ENOX1: variants seen among roughly 807,000 people sequenced by gnomAD.
ENOX1 encodes ecto-NOX disulfide-thiol exchanger 1.
A neutral mutation model predicts 82.5 loss-of-function variants in ENOX1; 42 were observed. The ratio of observed to expected loss-of-function variants is 0.51; its 90% CI spans 0.40 to 0.66. ENOX1 has a LOEUF of 0.66. Ranked by LOEUF, ENOX1 falls within the 30% of genes least tolerant of loss-of-function variation. ENOX1 has a pLI of 0.00. For missense variants in ENOX1, 608 were observed against 811.6 expected, an observed-to-expected ratio of 0.75 and a Z score of 3.05; for synonymous variants, 271 against 282.2, an observed-to-expected ratio of 0.96 and a Z score of 0.40.
intron 2 of ENOX1, among the ~76,000 whole-genome samples, chr13:43,617,352 A>G (rs1373554537): frequency 6.6e-6 from 1 of 152,198 alleles, no homozygotes; most frequent in Non-Finnish European, 1.5e-5. Flanking sequence ...TTGCGGGATA[A>G]AACTTTGGAA....
intron 1 of ENOX1, among the ~76,000 whole-genome samples, chr13:43,729,246 A>G (rs2089179757): frequency 6.6e-6 from 1 of 152,204 alleles, no homozygotes; most frequent in Non-Finnish European, 1.5e-5. Flanking sequence ...ATAAGAGCTA[A>G]ATAAGTATCT....
At chr13:43,307,189 C>T (rs181603595) in intron 11 of ENOX1, among the ~76,000 whole-genome samples, 1 of 152,336 alleles carries the variant, frequency 6.6e-6, no homozygotes, top group Non-Finnish European at 1.5e-5. Context: ...TCATTACCAA[C>T]ATTGAAATTG....
At chr13:43,689,361 G>T (rs1234600282) in intron 1 of ENOX1, among the ~76,000 whole-genome samples, 1 of 152,196 alleles carries the variant, frequency 6.6e-6, no homozygotes, top group African/African-American at 2.4e-5. Flanking sequence ...GTAAAAGGAA[G>T]ATCCAGCAAA....
chr13:43,494,130 G>A (rs1174761829), intron 2 of ENOX1, among the ~76,000 whole-genome samples: 2 of 152,054 alleles, frequency 1.3e-5, no homozygotes, highest in Admixed American at 6.5e-5. Context: ...TGGGGATTAT[G>A]GGGATTACAA....
chr13:43,617,903 G>T (rs942119258), intron 2 of ENOX1, among the ~76,000 whole-genome samples: 99 of 152,008 alleles, frequency 6.5e-4, no homozygotes, highest in East Asian at 2.1e-3. Context: ...TGTTGTTGTT[G>T]TTGTTGTTGT....
rs186837962 is a variant in ENOX1, at chr13:43,338,625, T to C, written c.1036+5913A>G. On this transcript the variant is annotated intron_variant, in intron 9 of 16. Transcript: ENST00000690772. ...GACATCCATGGTCAGAAGAGAAAAA[T>C]CGCCCTACACAGAAGTGAATGGATG... Among the ~76,000 whole-genome samples, 683 of 149,610 alleles carry C rather than the reference T, an allele frequency of 4.6e-3. 29 individuals are homozygous for C. The highest frequency in any genetic ancestry group is 0.04 in the Admixed American group (598 of 14,958).
intron 2 of ENOX1, among the ~76,000 whole-genome samples, chr13:43,526,998 T>C (rs2078016290): frequency 6.6e-6 from 1 of 152,032 alleles, no homozygotes; most frequent in South Asian, 2.1e-4. Context: ...ATGCACTCTA[T>C]TGGAAGCAGA....
Position 43,269,618 on chromosome 13 carries a change from G to T in ENOX1, c.1447-41C>A, listed in dbSNP as rs1030493744. 8.7e-6 allele frequency: 13 copies of T among 1,494,144 alleles called. No individual in the cohort carries two copies. In the African/African-American group the frequency reaches 1.8e-4, roughly 21 times the overall value. 92.6% of individuals were successfully genotyped at this position (1,494,144 alleles called of 1,614,324 possible). ...ATATTTAGCATAAGTAGGATTGAAG[G>T]TCAGGTGATTTAAAAATATCCACAA... On this transcript the variant is annotated intron_variant, in intron 12 of 16. Transcript: ENST00000690772.
chr13:43,761,661 CCTT>C (rs1160239395), intron 1 of ENOX1, among the ~76,000 whole-genome samples: 29 of 152,308 alleles, frequency 1.9e-4, no homozygotes, highest in African/African-American at 7.0e-4. Context: ...TGTAGGTCCT[CCTT>C]CTTCGCCTCT....
intron 3 of ENOX1, among the ~76,000 whole-genome samples, chr13:43,430,254 TAAAAC>T (rs1376574133): frequency 6.6e-6 from 1 of 152,152 alleles, no homozygotes; most frequent in Non-Finnish European, 1.5e-5. Flanking sequence ...TCCCTTTACA[TAAAAC>T]AAAACAAACA....
At chr13:43,419,562 A>G (rs2054851207) in intron 3 of ENOX1, among the ~76,000 whole-genome samples, 1 of 152,120 alleles carries the variant, frequency 6.6e-6, no homozygotes, top group Non-Finnish European at 1.5e-5. Context: ...TTAAAAAAAG[A>G]CAAAACAAAA....
rs149522765 is a variant in ENOX1, at chr13:43,372,864, C to T, written c.209-11412G>A. Among the ~76,000 whole-genome samples, 794 of 152,012 alleles carry T rather than the reference C, an allele frequency of 5.2e-3. 11 individuals are homozygous for T. The highest frequency in any genetic ancestry group is 0.018 in the African/African-American group (745 of 41,476). ...GGAAGTAAGTCAGAGGGAGAGACAG[C>T]AGCAGACAGATGGAGGGACCGTCCG... is the stretch of plus-strand genomic sequence containing the variant. On this transcript the variant is annotated intron_variant, in intron 5 of 16. Transcript: ENST00000690772.
intron 5 of ENOX1, among the ~76,000 whole-genome samples, chr13:43,380,426 A>T (rs563896565): frequency 4.6e-5 from 7 of 151,954 alleles, no homozygotes; most frequent in African/African-American, 1.7e-4. Flanking sequence ...ATATGAAGAG[A>T]TAAGCCAACA....
chr13:43,338,241 G>A (rs1053777538), intron 9 of ENOX1, among the ~76,000 whole-genome samples: 9 of 152,158 alleles, frequency 5.9e-5, no homozygotes, highest in Non-Finnish European at 1.3e-4. Flanking sequence ...GCTCCTGTAC[G>A]AGCTTTGAAA....
intron 5 of ENOX1, among the ~76,000 whole-genome samples, chr13:43,385,891 C>G (rs1458179550): frequency 6.6e-6 from 1 of 152,116 alleles, no homozygotes; most frequent in African/African-American, 2.4e-5. Flanking sequence ...TGGGGCCGGG[C>G]ACCGTGGCCC....
chr13:43,542,894 T>C (rs1040917732), intron 2 of ENOX1, among the ~76,000 whole-genome samples: 4 of 152,184 alleles, frequency 2.6e-5, no homozygotes, highest in Admixed American at 1.3e-4. Context: ...GCTGTCTCCT[T>C]GCTGAGTTCT....
chr13:43,730,500 T>A (rs1372478883), intron 1 of ENOX1, among the ~76,000 whole-genome samples: 1 of 152,216 alleles, frequency 6.6e-6, no homozygotes, highest in Non-Finnish European at 1.5e-5. Context: ...TCTTCTGTTT[T>A]GCCTGGAGAA....
intron 2 of ENOX1, among the ~76,000 whole-genome samples, chr13:43,646,747 G>A (rs1427363804): frequency 6.6e-6 from 1 of 152,148 alleles, no homozygotes; most frequent in Admixed American, 6.6e-5. Context: ...ACAAAAGCCA[G>A]ATAGAGTCTT....
chr13:43,408,160 G>C (rs1299190994), intron 5 of ENOX1, among the ~76,000 whole-genome samples: 2 of 152,170 alleles, frequency 1.3e-5, no homozygotes, highest in East Asian at 1.9e-4. Flanking sequence ...AAGTGGAAGA[G>C]GCGTCACTGT....
Sources: gnomAD v4.1 joint callset for allele counts (sites outside exome capture counted in the v4.1 genomes callset) on GRCh38, gnomAD v4.1.1 for gene constraint, MANE v1.5 for transcripts, NCBI Gene and HGNC (gene_info 2026-07-23, HGNC 2026-07-21) for gene names.